The following ABI2 variants were observed in gnomAD, a reference collection of about 807,000 sequenced individuals.
ABI2 encodes the protein abelson interactor 2.
In ABI2, 25 loss-of-function variants were observed where a neutral mutation model predicts 59.2. That is an observed-to-expected ratio of 0.42 (90% confidence interval 0.31 to 0.59). The LOEUF is 0.59. Ranked by LOEUF, ABI2 falls within the 20% of genes least tolerant of loss-of-function variation. ABI2 has a pLI of 0.14. For missense variants in ABI2, 545 were observed against 681.8 expected (o/e 0.80, Z 2.23); for synonymous variants, 213 against 235.5 (o/e 0.90, Z 0.87).
At chr2:203,334,286 T>C (rs902071137) in intron 1 of ABI2, among the ~76,000 whole-genome samples, 1 of 152,162 alleles carries the variant, frequency 6.6e-6, no homozygotes, top group African/African-American at 2.4e-5. Context: ...TGTGAGAATG[T>C]ATGATAGGTT....
rs2098475787 is a variant in ABI2, at chr2:203,430,616, AT to A, written c.*3268del. The A allele has an allele frequency of 6.6e-6, 1 of 152,162 alleles. No individual in the cohort carries two copies. Among genetic ancestry groups the A allele is most frequent in the Non-Finnish European group, 1.5e-5 (1 of 68,036 alleles). The allele number at this position is 152,162 out of a possible 1,614,324, so 9.4% of individuals were successfully genotyped here. On this transcript the variant is annotated 3_prime_UTR_variant, in exon 12 of 12. Coordinates refer to ENST00000261018, the MANE Select transcript of ABI2 (RefSeq NM_001375670.1). ...AATCTTCTAAGCTATCTTGTTTAAT[AT>A]TTTCCATCATTTAGCTACTTCCTAT...
chr2:203,392,024 A>G (rs1455295705), intron 5 of ABI2, among the ~76,000 whole-genome samples: 1 of 152,142 alleles, frequency 6.6e-6, no homozygotes, highest in South Asian at 2.1e-4. Context: ...GGTGATTAAA[A>G]TTCTGTTTCA....
At chr2:203,390,379 C>G (rs1298302185) in intron 4 of ABI2, among the ~76,000 whole-genome samples, 1 of 152,152 alleles carries the variant, frequency 6.6e-6, no homozygotes, top group African/African-American at 2.4e-5. Context: ...CGCCTGTAAT[C>G]CTAGCACTTT....
At chr2:203,416,851 G>C (rs1294929200) in intron 10 of ABI2, 57 bp from the exon 11 acceptor site, 1 of 1,478,968 alleles carries the variant, frequency 6.8e-7, no homozygotes, top group Admixed American at 2.2e-5. Context: ...AGCTTGGATA[G>C]GAAATACTGA....
At chr2:203,392,790 TGTTTTCAA>T (rs1334126217) in intron 5 of ABI2, among the ~76,000 whole-genome samples, 2 of 152,226 alleles carry the variant, frequency 1.3e-5, no homozygotes, top group Non-Finnish European at 2.9e-5. Context: ...AACTTTGTGT[TGTTTTCAA>T]GTTTTGAAGA....
At chr2:203,342,013 C>G (rs1286930263) in intron 1 of ABI2, among the ~76,000 whole-genome samples, 1 of 152,122 alleles carries the variant, frequency 6.6e-6, no homozygotes, top group Non-Finnish European at 1.5e-5. Context: ...TGAGACAACT[C>G]AAGTTTACCT....
At chr2:203,367,104 A>G (rs1056362475) in intron 2 of ABI2, 60 bp downstream of exon 2, 38 of 1,508,578 alleles carry the variant, frequency 2.5e-5, no homozygotes, top group Admixed American at 5.8e-5. Context: ...AACACAGGCT[A>G]TCTGTAATGC....
intron 9 of ABI2, among the ~76,000 whole-genome samples, chr2:203,406,431 T>C (rs980112428): frequency 4.6e-5 from 7 of 152,314 alleles, no homozygotes; most frequent in African/African-American, 1.7e-4. Context: ...AGTTTCTGAA[T>C]GGGTATGCTG....
chr2:203,395,586 A>T, intron 6 of ABI2, 70 bp from the exon 7 acceptor site: 1 of 1,491,012 alleles, frequency 6.7e-7, no homozygotes, highest in South Asian at 1.3e-5. Context: ...ATCTCAGAAA[A>T]TGTCGGGAAG....
intron 8 of ABI2, among the ~76,000 whole-genome samples, chr2:203,397,237 A>G (rs574227876): frequency 1.3e-5 from 2 of 152,300 alleles, no homozygotes; most frequent in Admixed American, 1.3e-4. Flanking sequence ...TAAGTTTAAT[A>G]TGGAGCTACC....
intron 2 of ABI2, among the ~76,000 whole-genome samples, chr2:203,378,281 T>TG (rs2095849820): frequency 1.3e-5 from 2 of 151,960 alleles, no homozygotes; most frequent in South Asian, 4.2e-4. Flanking sequence ...CCCGGCTAAT[T>TG]TTTGTATTTT....
chr2:203,430,792 T>G lies in ABI2; in HGVS notation c.*3440T>G, dbSNP rs536166328. On this transcript the variant is annotated 3_prime_UTR_variant, in exon 12 of 12. Transcript: ENST00000261018. ...TATTATCCAGCTAGACAATATTTTATGCATATTTACCGTGATGTCTGGACC... is the reference window on the plus strand; with the variant it reads ...TATTATCCAGCTAGACAATATTTTAGGCATATTTACCGTGATGTCTGGACC... 15 of 152,224 alleles carry G rather than the reference T, an allele frequency of 9.9e-5. No individual in the cohort carries two copies. The highest frequency in any genetic ancestry group is 9.2e-4 in the Admixed American group (14 of 15,286). 9.4% of individuals were successfully genotyped at this position (152,224 alleles called of 1,614,324 possible). A position where few individuals can be genotyped will look rare whatever the true frequency, so the allele number is the denominator to read the frequency against.
intron 8 of ABI2, among the ~76,000 whole-genome samples, chr2:203,402,037 A>C (rs943776322): frequency 5.9e-5 from 9 of 152,028 alleles, no homozygotes; most frequent in African/African-American, 1.9e-4. Context: ...TAAGTAGCAA[A>C]CTATTTATTT....
Position 203,379,514 on chromosome 2 carries a change from C to T in ABI2, c.286-694C>T, listed in dbSNP as rs140338129. Among the ~76,000 whole-genome samples the T allele has an allele frequency of 4.9e-4, 74 of 152,276 alleles. 1 individual carries two copies. The East Asian group carries it at 0.013, about 27-fold the overall frequency. The stretch of plus-strand genomic sequence containing the variant: ...TTGGCCTCCCAAAGTGCTTGGATTA[C>T]GGGCCTGAGCCACTGTGCCTGGCTT... On this transcript the variant is annotated intron_variant, in intron 2 of 11. Coordinates refer to ENST00000261018, the MANE Select transcript of ABI2 (RefSeq NM_001375670.1).
chr2:203,407,343 G>A (rs926802653), intron 9 of ABI2, among the ~76,000 whole-genome samples: 9 of 152,094 alleles, frequency 5.9e-5, no homozygotes, highest in African/African-American at 1.9e-4. Context: ...AACTCGCATG[G>A]GCTATATAAT....
At chr2:203,351,532 G>GT (rs35382487) in intron 1 of ABI2, 215,658 of 385,284 alleles carry the variant, frequency 0.56, 38,582 homozygotes, top group Admixed American at 0.59. Flanking sequence ...TCAGTGTTTA[G>GT]TTTTTTTTTT....
rs1448931811 is a variant in ABI2, at chr2:203,428,627, T to C, written c.*1275T>C. The C allele has an allele frequency of 6.6e-6, 1 of 152,330 alleles. No individual in the cohort carries two copies. The highest frequency in any genetic ancestry group is 1.5e-5 in the Non-Finnish European group (1 of 68,034). 9.4% of individuals were successfully genotyped at this position (152,330 alleles called of 1,614,324 possible). ...GACACAATAAAACACATTTCCCCCA[T>C]CTGTACAATAAATACAGCTTCAAAT... On this transcript the variant is annotated 3_prime_UTR_variant, in exon 12 of 12. Transcript: ENST00000261018.
At position 203,385,518 on chromosome 2, in the gene ABI2, C is replaced by G. The variant is rs543432712; in HGVS notation, c.480+3312C>G. Among the ~76,000 whole-genome samples the G allele has an allele frequency of 5.3e-5, 8 of 152,222 alleles. No individual in the cohort carries two copies. The South Asian group carries it at 1.7e-3, about 32-fold the overall frequency. Reference sequence around the variant, plus strand: ...TACTTTTAAAAATTTTGCTTAAGATCTTGAAGATCCATCATTTAGCCCCAT... The same window carrying G: ...TACTTTTAAAAATTTTGCTTAAGATGTTGAAGATCCATCATTTAGCCCCAT... On this transcript the variant is annotated intron_variant, in intron 4 of 11. Coordinates refer to ENST00000261018, the MANE Select transcript of ABI2 (RefSeq NM_001375670.1).
intron 1 of ABI2, among the ~76,000 whole-genome samples, chr2:203,360,280 CTTTAAAATAA>C (rs1307190249): frequency 6.7e-6 from 1 of 150,168 alleles, no homozygotes; most frequent in Non-Finnish European, 1.5e-5. Context: ...TAAAAAAACA[CTTTAAAATAA>C]TTTAAAAACA....
Sources: allele counts gnomAD v4.1 joint callset (sites outside exome capture counted in the v4.1 genomes callset), GRCh38; gene constraint gnomAD v4.1.1; transcripts MANE v1.5; gene names NCBI Gene and HGNC (gene_info 2026-07-23, HGNC 2026-07-21).